Variants in GREB1L observed in about 807,000 individuals in gnomAD.
GREB1L encodes GREB1 like retinoic acid receptor coactivator.
GREB1L carries 17 observed loss-of-function variants against 200.8 expected under a neutral mutation model. The observed-to-expected ratio is 0.08, with a 90% CI of 0.06 to 0.13. GREB1L has a LOEUF of 0.13. Ranked by LOEUF, GREB1L falls within the 10% of genes least tolerant of loss-of-function variation. GREB1L has a pLI of 1.00. For synonymous variants in GREB1L, 789 were observed against 893.0 expected, an observed-to-expected ratio of 0.88 and a Z score of 2.08; for missense variants, 1,657 against 2,367.7, an observed-to-expected ratio of 0.70 and a Z score of 6.23.
At chr18:21,403,084 A>G (rs765438914) in intron 6 of GREB1L, among the ~76,000 whole-genome samples, 3 of 152,148 alleles carry the variant, frequency 2.0e-5, no homozygotes, top group Non-Finnish European at 4.4e-5. Flanking sequence ...GAGACACTCT[A>G]AAGGACCATC....
chr18:21,356,346 C>T (rs2039504355), intron 1 of GREB1L, among the ~76,000 whole-genome samples: 2 of 152,054 alleles, frequency 1.3e-5, no homozygotes, highest in Non-Finnish European at 2.9e-5. Flanking sequence ...CAGTCCAGCC[C>T]CTGATAACTG....
intron 1 of GREB1L, among the ~76,000 whole-genome samples, chr18:21,307,407 A>T (rs2038717841): frequency 6.6e-6 from 1 of 152,106 alleles, no homozygotes; most frequent in African/African-American, 2.4e-5. Flanking sequence ...CTTAATTGGG[A>T]TCTGATTTTT....
intron 7 of GREB1L, among the ~76,000 whole-genome samples, chr18:21,405,789 AG>A: frequency 6.6e-6 from 1 of 152,038 alleles, no homozygotes; most frequent in Non-Finnish European, 1.5e-5. Flanking sequence ...TGATGGAGTG[AG>A]ACTCTGTCGC....
chr18:21,278,070 A>C (rs80336832), intron 1 of GREB1L, among the ~76,000 whole-genome samples: 3,514 of 152,242 alleles, frequency 0.023, 127 homozygotes, highest in African/African-American at 0.081. Context: ...TTAGGCTTAT[A>C]GATTGAAGGA....
At chr18:21,322,061 T>C (rs1281323679) in intron 1 of GREB1L, among the ~76,000 whole-genome samples, 2 of 152,188 alleles carry the variant, frequency 1.3e-5, no homozygotes, top group Admixed American at 1.3e-4. Flanking sequence ...GAAATTATTA[T>C]TTGCAGATGT....
At chr18:21,468,039 A>G (rs1353785173) in intron 15 of GREB1L, among the ~76,000 whole-genome samples, 1 of 152,022 alleles carries the variant, frequency 6.6e-6, no homozygotes, top group Non-Finnish European at 1.5e-5. Flanking sequence ...AAAAAAAAAA[A>G]AAGATACGAA....
chr18:21,504,054 C>A (rs1052043064), intron 23 of GREB1L, among the ~76,000 whole-genome samples: 1 of 37,898 alleles, frequency 2.6e-5, no homozygotes, highest in Admixed American at 3.7e-4. Flanking sequence ...TGATTCTTAG[C>A]CTCCTGAGTA....
intron 25 of GREB1L, among the ~76,000 whole-genome samples, chr18:21,507,185 G>C (rs1442605881): frequency 6.6e-6 from 1 of 152,032 alleles, no homozygotes; most frequent in Non-Finnish European, 1.5e-5. Context: ...GCTCATAAAA[G>C]CTTTATAGAA....
At chr18:21,516,825 G>T in intron 30 of GREB1L, 71 bp downstream of exon 30, 3 of 1,304,120 alleles carry the variant, frequency 2.3e-6, no homozygotes, top group Non-Finnish European at 3.1e-6. Flanking sequence ...GTTATTAGAT[G>T]TTGGCATTAA....
At chr18:21,310,011 T>A (rs571837173) in intron 1 of GREB1L, among the ~76,000 whole-genome samples, 1 of 152,312 alleles carries the variant, frequency 6.6e-6, no homozygotes, top group East Asian at 1.9e-4. Context: ...CTTTCTGTGA[T>A]GATAAAAATG....
chr18:21,263,111 G>C (rs1299583247), intron 1 of GREB1L, among the ~76,000 whole-genome samples: 1 of 152,192 alleles, frequency 6.6e-6, no homozygotes, highest in African/African-American at 2.4e-5. Context: ...GAAGGTGGGG[G>C]ATGGGGAGAA....
In GREB1L at chr18:21,343,531, A is replaced by C. The variant is rs531635931; in HGVS notation, c.-119-22496A>C. ...TTATACAACAAGAGAGGGCATAAGC[A>C]ATTATTGGGTTCAGTCCACTCAGTT... On this transcript the variant is annotated intron_variant, in intron 1 of 32. Coordinates refer to ENST00000424526, the MANE Select transcript of GREB1L (RefSeq NM_001142966.3). 5.3e-5 allele frequency among the ~76,000 whole-genome samples: 8 copies of C among 152,180 alleles called. No individual in the cohort carries two copies. In the South Asian group the frequency reaches 1.5e-3, roughly 28 times the overall value.
rs2036722053 is a variant in GREB1L, at chr18:21,500,140, T to G, written c.3803T>G (p.Leu1268Arg). Residue 1268 changes from leucine to arginine, a missense_variant, in exon 22 of 33, where the codon CTG becomes CGG. Leu to Arg is a moderately radical substitution (Grantham distance 102). Around this residue, in one of 9 missense-constraint regions of GREB1L, gnomAD observed 512 missense variants for 668.3 expected, o/e 0.77. Transcript: ENST00000424526. ...PHADVAWVSS[L>R]RPLLNKDMSS... ...GCCGACGTGGCCTGGGTGAGCTCCCTGCGGCCACTCCTGAACAAGGACATG... is the reference window on the plus strand; with the variant it reads ...GCCGACGTGGCCTGGGTGAGCTCCCGGCGGCCACTCCTGAACAAGGACATG... The G allele has an allele frequency of 3.2e-6, 5 of 1,551,532 alleles. No individual in the cohort carries two copies. Among genetic ancestry groups the G allele is most frequent in the Non-Finnish European group, 4.4e-6 (5 of 1,147,002 alleles).
rs571693982 is a variant in GREB1L at position 21,252,867 on chromosome 18, C to A, written c.-120+10474C>A. 2.6e-5 allele frequency among the ~76,000 whole-genome samples: 4 copies of A among 152,174 alleles called. No homozygotes were observed. The East Asian group carries it at 5.8e-4, about 22-fold the overall frequency. On this transcript the variant is annotated intron_variant, in intron 1 of 32. Coordinates refer to ENST00000424526, the MANE Select transcript of GREB1L (RefSeq NM_001142966.3). ...GAGTGAGACTGTCCCTCCCCACCCCCCAAAAAAGAAAGTTTTATTAAAGCT... is the reference window on the plus strand; with the variant it reads ...GAGTGAGACTGTCCCTCCCCACCCCACAAAAAAGAAAGTTTTATTAAAGCT...
intron 7 of GREB1L, among the ~76,000 whole-genome samples, chr18:21,425,258 A>G (rs1182585746): frequency 1.3e-5 from 2 of 152,022 alleles, no homozygotes; most frequent in Non-Finnish European, 2.9e-5. Context: ...ACCTATGTTT[A>G]TCCATACAAT....
In GREB1L at chr18:21,483,818, A is replaced by G. The variant is rs188464918; in HGVS notation, c.2557-1802A>G. On this transcript the variant is annotated intron_variant, in intron 17 of 32. Coordinates refer to ENST00000424526, the MANE Select transcript of GREB1L (RefSeq NM_001142966.3). ...TGGTGAAATCTAATCTCTACTAAAA[A>G]TACAAAAATTAGCTGGGTGTGGTGG... Among the ~76,000 whole-genome samples the G allele has an allele frequency of 8.8e-3, 1,292 of 146,412 alleles. 5 individuals carry two copies. The highest frequency in any genetic ancestry group is 0.014 in the Non-Finnish European group (955 of 66,508).
intron 15 of GREB1L, among the ~76,000 whole-genome samples, chr18:21,462,167 C>T (rs567408331): frequency 5.6e-4 from 85 of 152,300 alleles, no homozygotes; most frequent in African/African-American, 1.9e-3. Context: ...CCATCAGTGC[C>T]GCAGGTGCGC....
At chr18:21,485,460 A>C (rs2036090264) in intron 17 of GREB1L, 160 bp from the exon 18 acceptor site, 1 of 522,196 alleles carries the variant, frequency 1.9e-6, no homozygotes, top group Non-Finnish European at 3.3e-6. Context: ...CTCAGAGATG[A>C]CTGCAGAGTT....
intron 1 of GREB1L, among the ~76,000 whole-genome samples, chr18:21,246,224 T>C (rs962140969): frequency 6.6e-6 from 1 of 152,176 alleles, no homozygotes; most frequent in Non-Finnish European, 1.5e-5. Flanking sequence ...CTCAGAACTT[T>C]AGCTTACTAA....
Sources: gnomAD v4.1 joint callset for allele counts (sites outside exome capture counted in the v4.1 genomes callset) on GRCh38, gnomAD v4.1.1 for gene constraint, gnomAD v4.1.1 regional missense constraint, MANE v1.5 for transcripts, NCBI Gene and HGNC (gene_info 2026-07-23, HGNC 2026-07-21) for gene names.